RBMS3: variants seen among roughly 807,000 people sequenced by gnomAD.
RBMS3 encodes the protein RNA binding motif single stranded interacting protein 3.
Under a neutral mutation model 66.8 loss-of-function variants are expected in RBMS3, and 27 were observed. The ratio of observed to expected loss-of-function variants is 0.40; its 90% confidence interval spans 0.30 to 0.56. RBMS3 has a LOEUF of 0.56. RBMS3 is among the 20% of genes least tolerant of loss of function. The pLI, the probability that RBMS3 is intolerant of heterozygous loss-of-function variation, is 0.40. For synonymous variants in RBMS3, 188 were observed against 183.0 expected, an observed-to-expected ratio of 1.03 and a Z score of -0.22; for missense variants, 513 against 549.5, an observed-to-expected ratio of 0.93 and a Z score of 0.66.
intron 4 of RBMS3, among the ~76,000 whole-genome samples, chr3:29,635,296 T>G (rs572691441): frequency 6.6e-6 from 1 of 151,958 alleles, no homozygotes; most frequent in Non-Finnish European, 1.5e-5. Context: ...CCTAAACCCC[T>G]AATCTCCTCA....
chr3:29,534,481 A>G (rs1485697202), intron 3 of RBMS3, among the ~76,000 whole-genome samples: 1 of 152,216 alleles, frequency 6.6e-6, no homozygotes, highest in African/African-American at 2.4e-5. Flanking sequence ...AATAGGGAAG[A>G]AAACAATAAA....
intron 2 of RBMS3, among the ~76,000 whole-genome samples, chr3:29,442,181 C>T (rs140470216): frequency 1.3e-5 from 2 of 152,058 alleles, no homozygotes; most frequent in Non-Finnish European, 2.9e-5. Context: ...CCTATTTTGA[C>T]TCATATGATT....
At chr3:29,808,141 A>T (rs904597302) in intron 6 of RBMS3, among the ~76,000 whole-genome samples, 2 of 151,938 alleles carry the variant, frequency 1.3e-5, no homozygotes, top group African/African-American at 4.8e-5. Flanking sequence ...ACCATGCTTC[A>T]GGATCACACG....
At chr3:29,386,200 A>C (rs2039001667) in intron 1 of RBMS3, among the ~76,000 whole-genome samples, 2 of 150,804 alleles carry the variant, frequency 1.3e-5, no homozygotes, top group Admixed American at 1.3e-4. Context: ...CCTGCTTAAC[A>C]GTCTCATTTT....
intron 4 of RBMS3, among the ~76,000 whole-genome samples, chr3:29,718,310 A>G (rs2053492381): frequency 6.6e-6 from 1 of 152,056 alleles, no homozygotes; most frequent in Admixed American, 6.6e-5. Context: ...TATTACATAC[A>G]CTTTTAAAAT....
At chr3:29,868,326 T>A (rs2059409254) in intron 6 of RBMS3, among the ~76,000 whole-genome samples, 1 of 152,164 alleles carries the variant, frequency 6.6e-6, no homozygotes, top group African/African-American at 2.4e-5. Flanking sequence ...ACTGGAAAAT[T>A]GGAGTGAAGA....
chr3:29,992,239 ATAAT>A (rs1204766277), intron 14 of RBMS3, among the ~76,000 whole-genome samples: 3 of 152,324 alleles, frequency 2.0e-5, no homozygotes, highest in South Asian at 4.1e-4. Context: ...ACATTAAGAA[ATAAT>A]TTATTTATTA....
At chr3:29,579,358 T>A (rs888370039) in intron 3 of RBMS3, among the ~76,000 whole-genome samples, 2 of 152,076 alleles carry the variant, frequency 1.3e-5, no homozygotes, top group African/African-American at 4.8e-5. Flanking sequence ...TGGGAAGAGG[T>A]AGGGGGCTTG....
At chr3:29,639,589 T>TAGAGAGAGAGAGAGAGAG (rs1216382179) in intron 4 of RBMS3, among the ~76,000 whole-genome samples, 1 of 113,824 alleles carries the variant, frequency 8.8e-6, no homozygotes, top group African/African-American at 3.6e-5. Flanking sequence ...AGATAGAAGA[T>TAGAGAGAGAGAGAGAGAG]AGACAGAGAG....
rs528446318 is a variant in RBMS3 at position 29,994,961 on chromosome 3, G to A, written c.1307+3752G>A. ...GAGCTGAGAGAAGAAGGCTTCAGAA[G>A]ATCAAATTACTCTGAGCTATGGGAG... is the stretch of plus-strand genomic sequence containing the variant. On this transcript the variant is annotated intron_variant, in intron 14 of 14. Transcript: ENST00000383767. 1.9e-4 allele frequency among the ~76,000 whole-genome samples: 29 copies of A among 152,306 alleles called. No individual in the cohort carries two copies. The East Asian group carries it at 5.4e-3, about 28-fold the overall frequency.
At chr3:29,933,011 A>G (rs1014109219) in intron 10 of RBMS3, among the ~76,000 whole-genome samples, 7 of 152,192 alleles carry the variant, frequency 4.6e-5, no homozygotes, top group Admixed American at 4.6e-4. Context: ...GCATTGTACA[A>G]TATTTTTCTT....
chr3:29,836,447 C>T (rs1248391340), intron 6 of RBMS3, among the ~76,000 whole-genome samples: 1 of 151,766 alleles, frequency 6.6e-6, no homozygotes, highest in Non-Finnish European at 1.5e-5. Context: ...GGGGTGCAAG[C>T]CAAACACAGA....
intron 8 of RBMS3, among the ~76,000 whole-genome samples, chr3:29,890,042 G>C (rs2059962879): frequency 6.6e-6 from 1 of 151,680 alleles, no homozygotes. Flanking sequence ...TGGCAACAAG[G>C]AGATAGAAAT....
chr3:29,961,743 G>A (rs1485213370), intron 12 of RBMS3, among the ~76,000 whole-genome samples: 1 of 151,608 alleles, frequency 6.6e-6, no homozygotes, highest in Non-Finnish European at 1.5e-5. Context: ...TCACTATCCT[G>A]AGAACAGCAT....
intron 10 of RBMS3, among the ~76,000 whole-genome samples, chr3:29,903,931 ACTT>A (rs1025183001): frequency 1.3e-5 from 2 of 151,924 alleles, no homozygotes; most frequent in African/African-American, 4.8e-5. Flanking sequence ...GAAAATATAA[ACTT>A]CTTCTTTACA....
At position 29,779,706 on chromosome 3, in the gene RBMS3, A is replaced by AATATAT. The variant is rs566888716; in HGVS notation, c.637+16731_637+16736dup. Among the ~76,000 whole-genome samples the AATATAT allele has an allele frequency of 6.8e-4, 73 of 107,058 alleles. 2 individuals are homozygous for AATATAT. Among genetic ancestry groups the AATATAT allele is most frequent in the African/African-American group, 6.8e-4 (22 of 32,452 alleles). 70.2% of individuals were successfully genotyped at this position (107,058 alleles called of 152,430 possible). On this transcript the variant is annotated intron_variant, in intron 6 of 14. Transcript: ENST00000383767. ...TCTCAGCAATCCTAGATTAAGATGA[A>AATATAT]ATATATATATATATATATAAACAAC... is the stretch of plus-strand genomic sequence containing the variant.
chr3:29,472,507 A>G (rs1455055162), intron 2 of RBMS3, among the ~76,000 whole-genome samples: 1 of 152,072 alleles, frequency 6.6e-6, no homozygotes, highest in Non-Finnish European at 1.5e-5. Flanking sequence ...CTGACTTCGA[A>G]TGAAGCCGTG....
At chr3:29,509,197 G>A (rs1202064765) in intron 3 of RBMS3, among the ~76,000 whole-genome samples, 3 of 151,626 alleles carry the variant, frequency 2.0e-5, no homozygotes, top group East Asian at 2.0e-4. Context: ...TATACAATGA[G>A]CAACCTATGT....
At chr3:29,524,415 A>ATTTTTTTTTTTTTTTTTTTTTT (rs1222102515) in intron 3 of RBMS3, among the ~76,000 whole-genome samples, 1 of 57,074 alleles carries the variant, frequency 1.8e-5, no homozygotes. Flanking sequence ...CTCCCTTTAC[A>ATTTTTTTTTTTTTTTTTTTTTT]TTTTTTTTTT....
Sources: allele counts gnomAD v4.1 joint callset (sites outside exome capture counted in the v4.1 genomes callset), GRCh38; gene constraint gnomAD v4.1.1; transcripts MANE v1.5; gene names NCBI Gene and HGNC (gene_info 2026-07-23, HGNC 2026-07-21).